BICRA: variants seen among roughly 807,000 people sequenced by gnomAD.
The protein encoded by BICRA is BRD4 interacting chromatin remodeling complex associated protein, also known as BRD4-interacting chromatin-remodeling complex-associated protein.
BICRA carries 31 observed loss-of-function variants against 96.9 expected under a neutral mutation model. That is an observed-to-expected ratio of 0.32 (90% CI 0.24 to 0.43). BICRA has a LOEUF of 0.43. Ranked by LOEUF, BICRA falls within the 20% of genes least tolerant of loss-of-function variation. The pLI is 1.00. For synonymous variants in BICRA, 1,350 were observed against 1,071.8 expected (o/e 1.26, Z -5.07); for missense variants, 2,283 against 2,190.3 (o/e 1.04, Z -0.84).
chr19:47,625,325 G>T (rs1183262062), intron 1 of BICRA, among the ~76,000 whole-genome samples: 2 of 147,578 alleles, frequency 1.4e-5, no homozygotes, highest in African/African-American at 5.0e-5. Flanking sequence ...AAGAGACAGG[G>T]TCTCACTGGT....
intron 10 of BICRA, 90 bp from the exon 11 acceptor site, chr19:47,696,360 TC>T (rs1973342262): frequency 8.3e-7 from 1 of 1,211,078 alleles, no homozygotes; most frequent in African/African-American, 1.5e-5. Context: ...TGGTCCCCTG[TC>T]CCGTCTTTAT....
In BICRA at chr19:47,701,877, G is replaced by A; in HGVS notation, c.4145G>A (p.Cys1382Tyr). ...AAGCCCCTGGGCACCGCCCCGCACT[G>A]CCCGCGCCTGCCACTGCGCAAGACC... ...ERKPLGTAPH[C>Y]PRLPLRKTYR... Residue 1382 changes from cysteine (C) to tyrosine (Y), a missense_variant, in exon 15 of 15, where the codon TGC (cysteine) becomes TAC (tyrosine). Transcript: ENST00000594866. This position sits in a 1 kb window ranked among gnomAD's most constrained non-coding sequence, Gnocchi z 5.4. 6.8e-7 allele frequency: 1 copy of A among 1,468,628 alleles called. No individual in the cohort carries two copies. Among genetic ancestry groups the A allele is most frequent in the Non-Finnish European group, 9.0e-7 (1 of 1,116,836 alleles). The allele number at this position is 1,468,628 out of a possible 1,614,324, so 91.0% of individuals were successfully genotyped here.
chr19:47,649,791 C>T (rs931120294), intron 1 of BICRA, among the ~76,000 whole-genome samples: 2 of 152,164 alleles, frequency 1.3e-5, no homozygotes, highest in Admixed American at 1.3e-4. Context: ...CTACCTCACA[C>T]TGTACAGCAA....
chr19:47,701,037 CA>C lies in BICRA; in HGVS notation c.3596-288del. ...AAGCGATCCCCCTCCCTTGGCCTCC[CA>C]AAGTGCTGGGATTACAGGCCTGAGC... On this transcript the variant is annotated intron_variant, in intron 14 of 14. Coordinates refer to ENST00000594866, the MANE Select transcript of BICRA (RefSeq NM_001394372.1). This position sits in a 1 kb window ranked among gnomAD's most constrained non-coding sequence, Gnocchi z 5.4. The C allele has an allele frequency of 2.2e-6, 1 of 450,336 alleles. No homozygotes were observed. Among genetic ancestry groups the C allele is most frequent in the Non-Finnish European group, 4.0e-6 (1 of 253,078 alleles). 27.9% of individuals were successfully genotyped at this position (450,336 alleles called of 1,614,324 possible).
chr19:47,661,229 A>AAAAAAAAAAAG (rs1568561460), intron 1 of BICRA, among the ~76,000 whole-genome samples: 1 of 151,152 alleles, frequency 6.6e-6, no homozygotes, highest in African/African-American at 2.4e-5. Context: ...AAAAAAAAAA[A>AAAAAAAAAAAG]GACGAAGTAC....
Position 47,702,713 on chromosome 19 carries a change from C to CG in BICRA, c.*303dup. The CG allele has an allele frequency of 2.3e-6, 1 of 435,290 alleles. No individual in the cohort carries two copies. Among genetic ancestry groups the CG allele is most frequent in the Admixed American group, 4.7e-5 (1 of 21,072 alleles). 27.0% of individuals were successfully genotyped at this position (435,290 alleles called of 1,614,324 possible). A position where few individuals can be genotyped will look rare whatever the true frequency, so the allele number is the denominator to read the frequency against. On this transcript the variant is annotated 3_prime_UTR_variant, in exon 15 of 15. Coordinates refer to ENST00000594866, the MANE Select transcript of BICRA (RefSeq NM_001394372.1). ...TCCTGGCACACTCTGCCCCTCTGTC[C>CG]GGGGGACACGCGCATGTGTTTGCCA... is the stretch of plus-strand genomic sequence containing the variant.
chr19:47,639,319 ATTTTTTTTT>A (rs35509834), intron 1 of BICRA, among the ~76,000 whole-genome samples: 13 of 52,378 alleles, frequency 2.5e-4, no homozygotes, highest in African/African-American at 5.2e-4. Context: ...CCCACCCTGC[ATTTTTTTTT>A]TTTTTTTTTT....
At chr19:47,695,315 C>T (rs1181272453) in intron 9 of BICRA, 50 bp from the exon 10 acceptor site, 1 of 805,440 alleles carries the variant, frequency 1.2e-6, no homozygotes, top group Non-Finnish European at 2.1e-6. Context: ...AGGAGGGGGC[C>T]TTCATGCAGT....
intron 1 of BICRA, among the ~76,000 whole-genome samples, chr19:47,649,534 A>C (rs1972512393): frequency 6.6e-6 from 1 of 152,204 alleles, no homozygotes; most frequent in Non-Finnish European, 1.5e-5. Context: ...GCTCAGTGTC[A>C]ATGTATTGAT....
chr19:47,658,929 G>A (rs1214562302), intron 1 of BICRA, among the ~76,000 whole-genome samples: 4 of 152,120 alleles, frequency 2.6e-5, no homozygotes, highest in East Asian at 1.9e-4. Flanking sequence ...CCCTGTGTCC[G>A]GTGAACATAA....
chr19:47,661,731 T>G (rs762167261), intron 1 of BICRA: 1 of 152,024 alleles, frequency 6.6e-6, no homozygotes, highest in Non-Finnish European at 1.5e-5. Context: ...ACTGGAGAGA[T>G]ATGGGAGGTG....
intron 7 of BICRA, among the ~76,000 whole-genome samples, chr19:47,685,751 G>GTT (rs1161175214): frequency 8.5e-6 from 1 of 117,560 alleles, no homozygotes; most frequent in Non-Finnish European, 1.7e-5. Flanking sequence ...CTGTGTGTGT[G>GTT]TGTGTGTGTG....
At chr19:47,663,081 C>CATGAAGAGTT (rs1289191252) in intron 1 of BICRA, 1 of 152,174 alleles carries the variant, frequency 6.6e-6, no homozygotes, top group African/African-American at 2.4e-5. Context: ...GCGGGCAGCC[C>CATGAAGAGTT]ATGAAGAGTT....
chr19:47,614,409 G>C (rs990179602), intron 1 of BICRA, among the ~76,000 whole-genome samples: 3 of 152,224 alleles, frequency 2.0e-5, no homozygotes, highest in African/African-American at 7.2e-5. Flanking sequence ...CTGCGGTCAG[G>C]AGTTCAAGAC....
At chr19:47,637,411 G>A (rs1206753327) in intron 1 of BICRA, among the ~76,000 whole-genome samples, 2 of 150,892 alleles carry the variant, frequency 1.3e-5, no homozygotes, top group East Asian at 2.0e-4. Context: ...GAGCCACTGC[G>A]CCCAGCCTGT....
intron 1 of BICRA, among the ~76,000 whole-genome samples, chr19:47,646,655 A>G (rs11881963): frequency 0.13 from 19,599 of 152,156 alleles, 1,388 homozygotes; most frequent in East Asian, 0.18. Context: ...GACTGTTACT[A>G]TCAGAAATGG....
chr19:47,656,048 A>G (rs1269480942), intron 1 of BICRA, among the ~76,000 whole-genome samples: 7 of 146,128 alleles, frequency 4.8e-5, no homozygotes, highest in Non-Finnish European at 1.0e-4. Context: ...CAGCCTGGGG[A>G]ACATGGTGAG....
Position 47,702,718 on chromosome 19 carries a change from GAC to G in BICRA, c.*306_*307del, listed in dbSNP as rs1048597110. 3 of 426,314 alleles carry G rather than the reference GAC, an allele frequency of 7.0e-6. No individual in the cohort carries two copies. The highest frequency in any genetic ancestry group is 1.2e-5 in the Non-Finnish European group (3 of 241,430). The allele number at this position is 426,314 out of a possible 1,614,324, so 26.4% of individuals were successfully genotyped here. On this transcript the variant is annotated 3_prime_UTR_variant, in exon 15 of 15. Transcript: ENST00000594866. ...GCACACTCTGCCCCTCTGTCCGGGG[GAC>G]ACGCGCATGTGTTTGCCAGGGATGG... is the stretch of plus-strand genomic sequence containing the variant.
intron 1 of BICRA, among the ~76,000 whole-genome samples, chr19:47,631,447 C>T (rs993579796): frequency 2.0e-5 from 3 of 152,084 alleles, no homozygotes; most frequent in Non-Finnish European, 4.4e-5. Context: ...AGGCTGGTCT[C>T]GAACTCCTGA....
Sources: allele counts gnomAD v4.1 joint callset (sites outside exome capture counted in the v4.1 genomes callset), GRCh38; gene constraint gnomAD v4.1.1; non-coding constraint Gnocchi (gnomAD v3.1); transcripts MANE v1.5; gene names NCBI Gene and HGNC (gene_info 2026-07-23, HGNC 2026-07-21).